Variants in BIRC6 observed in about 807,000 individuals in gnomAD.
BIRC6 encodes dual E2 ubiquitin-conjugating enzyme/E3 ubiquitin-protein ligase BIRC6.
BIRC6 carries 98 observed loss-of-function variants against 503.3 expected under a neutral mutation model. The observed-to-expected ratio is 0.19, with a 90% CI of 0.17 to 0.23. BIRC6 has a LOEUF of 0.23. Among genes scored for constraint, BIRC6 ranks in the 10% least tolerant of loss-of-function variants. The pLI is 1.00. For synonymous variants in BIRC6, 2,240 were observed against 2,078.7 expected (o/e 1.08, Z -2.11); for missense variants, 5,360 against 5,806.0 (o/e 0.92, Z 2.50).
rs1417260857 is a variant in BIRC6 at position 32,473,140 on chromosome 2, T to C, written c.6621T>C (p.Asn2207=). 4 of 1,580,336 alleles carry C rather than the reference T, an allele frequency of 2.5e-6. No homozygotes were observed. Among genetic ancestry groups the C allele is most frequent in the Non-Finnish European group, 3.4e-6 (4 of 1,161,084 alleles). Residue 2207 remains asparagine (N), a synonymous_variant, in exon 33 of 74, where the codon AAT becomes AAC. Transcript: ENST00000421745. The part of the protein sequence containing the change: ...NGNQWSFINN[N]LHTQSLNRSS... ...ATCAGTGGAGTTTTATTAACAATAA[T>C]CTACACACTCAGAGCTTAAATAGAT...
intron 6 of BIRC6, 27 bp downstream of exon 6, chr2:32,395,620 T>A (rs762775083): frequency 6.4e-7 from 1 of 1,553,612 alleles, no homozygotes; most frequent in Admixed American, 1.7e-5. Context: ...CTGGGCATAA[T>A]AGGCTAAGTC....
intron 10 of BIRC6, among the ~76,000 whole-genome samples, chr2:32,416,803 C>A (rs1301750740): frequency 7.2e-6 from 1 of 139,236 alleles, no homozygotes; most frequent in African/African-American, 2.7e-5. Context: ...TCTTTCCCCC[C>A]TCCCCTTTCT....
At chr2:32,420,623 G>T (rs934583164) in intron 10 of BIRC6, among the ~76,000 whole-genome samples, 1 of 151,722 alleles carries the variant, frequency 6.6e-6, no homozygotes, top group African/African-American at 2.4e-5. Flanking sequence ...AAGTGATTCT[G>T]TCACCTCAGC....
At chr2:32,534,229 C>T (rs924751442) in intron 61 of BIRC6, among the ~76,000 whole-genome samples, 3 of 149,988 alleles carry the variant, frequency 2.0e-5, no homozygotes, top group East Asian at 4.0e-4. Flanking sequence ...CAAAAATTAG[C>T]CCGGTGTGGT....
At chr2:32,542,196 TC>T (rs2057715713) in intron 61 of BIRC6, among the ~76,000 whole-genome samples, 1 of 151,958 alleles carries the variant, frequency 6.6e-6, no homozygotes, top group South Asian at 2.1e-4. Context: ...AGAAGCAGAC[TC>T]CCCCTAGTGA....
chr2:32,476,075 C>A, intron 33 of BIRC6, 138 bp from the exon 34 acceptor site: 1 of 606,580 alleles, frequency 1.6e-6, no homozygotes, highest in Middle Eastern at 5.2e-4. Context: ...AAAAAATTAT[C>A]ATCACAGTTA....
chr2:32,442,476 A>T (rs1460593408), intron 19 of BIRC6, 21 bp downstream of exon 19: 1 of 1,577,574 alleles, frequency 6.3e-7, no homozygotes, highest in Non-Finnish European at 8.6e-7. Context: ...TTTTAAGTTG[A>T]AAGCATACTT....
At chr2:32,455,187 G>A (rs1462632184) in intron 23 of BIRC6, among the ~76,000 whole-genome samples, 2 of 151,818 alleles carry the variant, frequency 1.3e-5, no homozygotes, top group African/African-American at 4.8e-5. Flanking sequence ...GACCATCCTG[G>A]CTAACACAGT....
intron 44 of BIRC6, 29 bp downstream of exon 44, chr2:32,491,587 C>G: frequency 6.2e-7 from 1 of 1,602,032 alleles, no homozygotes; most frequent in East Asian, 2.2e-5. Flanking sequence ...TGGCATATGC[C>G]CAGACTATTC....
intron 66 of BIRC6, among the ~76,000 whole-genome samples, chr2:32,587,996 TTTATA>T (rs1319243201): frequency 1.3e-5 from 2 of 152,178 alleles, no homozygotes; most frequent in African/African-American, 4.8e-5. Context: ...AGGTAGCAAC[TTTATA>T]ATCACTTTTA....
In BIRC6 at chr2:32,357,558, C is replaced by T. The variant is rs984723621; in HGVS notation, c.325+72C>T. On this transcript the variant is annotated intron_variant, in intron 1 of 73. Transcript: ENST00000421745. This position sits in a 1 kb window ranked among gnomAD's most constrained non-coding sequence, Gnocchi z 4.9. ...CGTCCAGCCCCGGGGCTCGGCCTCG[C>T]GACTCGGGGAAGCGAGATGGCGAGA... is the stretch of plus-strand genomic sequence containing the variant. The T allele has an allele frequency of 1.3e-6, 2 of 1,502,314 alleles. No individual in the cohort carries two copies. The highest frequency in any genetic ancestry group is 2.9e-5 in the African/African-American group (2 of 68,590). 93.1% of individuals were successfully genotyped at this position (1,502,314 alleles called of 1,614,324 possible). A position where few individuals can be genotyped will look rare whatever the true frequency, so the allele number is the denominator to read the frequency against.
At chr2:32,598,269 G>C (rs903747994) in intron 69 of BIRC6, among the ~76,000 whole-genome samples, 6 of 150,578 alleles carry the variant, frequency 4.0e-5, no homozygotes, top group Non-Finnish European at 7.4e-5. Context: ...CGCTGCTGTT[G>C]AAAAAAACAT....
At position 32,524,873 on chromosome 2, in the gene BIRC6, A is replaced by C; in HGVS notation, c.11624-15A>C. On this transcript the variant is annotated splice_polypyrimidine_tract_variant and intron_variant, in intron 57 of 73. Coordinates refer to ENST00000421745, the MANE Select transcript of BIRC6 (RefSeq NM_016252.4). ...TTTGGAAAAGCAGTGTATTTTAGAT[A>C]ATATCTTCTTACAGATACTCCAAGT... 2.9e-6 allele frequency: 4 copies of C among 1,402,172 alleles called. No individual in the cohort carries two copies. Among genetic ancestry groups the C allele is most frequent in the Non-Finnish European group, 3.8e-6 (4 of 1,052,354 alleles). The allele number at this position is 1,402,172 out of a possible 1,614,324, so 86.9% of individuals were successfully genotyped here. A position where few individuals can be genotyped will look rare whatever the true frequency, so the allele number is the denominator to read the frequency against.
chr2:32,424,645 G>C (rs1005986737), intron 10 of BIRC6, among the ~76,000 whole-genome samples: 1 of 151,758 alleles, frequency 6.6e-6, no homozygotes. Context: ...CTCCCAAGTA[G>C]CTGGGATTAG....
At position 32,463,201 on chromosome 2, in the gene BIRC6, C is replaced by T; in HGVS notation, c.4761C>T (p.Ser1587=). The part of the protein sequence containing the change: ...TRIERDDAMS[S]FGVTPAVGGL... ...CCCCTTGTCTTATGCCAGTGAGTTCCTTCGGGGTTACTCCTGCAGTAGGTG... is the reference window on the plus strand; with the variant it reads ...CCCCTTGTCTTATGCCAGTGAGTTCTTTCGGGGTTACTCCTGCAGTAGGTG... Residue 1587 remains serine (S), a synonymous_variant, in exon 24 of 74, where the codon TCC becomes TCT. Coordinates refer to ENST00000421745, the MANE Select transcript of BIRC6 (RefSeq NM_016252.4). The T allele has an allele frequency of 6.2e-7, 1 of 1,608,022 alleles. No individual in the cohort carries two copies. The highest frequency in any genetic ancestry group is 8.5e-7 in the Non-Finnish European group (1 of 1,177,656).
intron 14 of BIRC6, 122 bp downstream of exon 14, chr2:32,435,707 A>G (rs1236690997): frequency 5.8e-6 from 6 of 1,039,416 alleles, no homozygotes; most frequent in Non-Finnish European, 8.0e-6. Flanking sequence ...CAATTAAAAA[A>G]TAACCTATAA....
chr2:32,464,861 T>G, intron 25 of BIRC6, 38 bp downstream of exon 25: 1 of 1,546,296 alleles, frequency 6.5e-7, no homozygotes, highest in South Asian at 1.3e-5. Flanking sequence ...CTTAGACATT[T>G]AAAAATATCT....
At chr2:32,431,526 A>G (rs1188979523) in intron 12 of BIRC6, among the ~76,000 whole-genome samples, 1 of 152,104 alleles carries the variant, frequency 6.6e-6, no homozygotes, top group Non-Finnish European at 1.5e-5. Context: ...TAAAAGATAT[A>G]CAGTAATATA....
intron 71 of BIRC6, 131 bp from the exon 72 acceptor site, chr2:32,607,324 A>G: frequency 1.6e-6 from 1 of 630,330 alleles, no homozygotes; most frequent in Non-Finnish European, 2.5e-6. Context: ...ATAATCATAA[A>G]CATTGATTTT....
Sources: allele counts gnomAD v4.1 joint callset (sites outside exome capture counted in the v4.1 genomes callset), GRCh38; gene constraint gnomAD v4.1.1; non-coding constraint Gnocchi (gnomAD v3.1); transcripts MANE v1.5; gene names NCBI Gene and HGNC (gene_info 2026-07-23, HGNC 2026-07-21).